SLC68A1: variants seen among roughly 807,000 people sequenced by gnomAD.
The protein encoded by SLC68A1 is solute carrier family 68 member 1, also known as major facilitator superfamily domain containing 13A.
At chr10:102,475,409 G>A in the SLC68A1 span, among the ~76,000 whole-genome samples, 1 of 152,202 alleles carries the variant, frequency 6.6e-6, no homozygotes, top group African/African-American at 2.4e-5. Flanking sequence ...TGGAGACTTG[G>A]GCCAGGGTGG....
the SLC68A1 span, chr10:102,471,328 G>A: frequency 1.2e-6 from 2 of 1,613,888 alleles, no homozygotes; most frequent in Admixed American, 3.3e-5. Flanking sequence ...CATCACCTTG[G>A]GCCGGTATCT....
the SLC68A1 span, chr10:102,477,038 TTCC>T: frequency 5.1e-6 from 5 of 985,532 alleles, no homozygotes; most frequent in Non-Finnish European, 6.0e-6. Context: ...GCCATTCTTT[TTCC>T]TCAAGTCTGT....
the SLC68A1 span, chr10:102,471,339 C>G: frequency 2.5e-6 from 4 of 1,613,896 alleles, no homozygotes; most frequent in African/African-American, 1.3e-5. Flanking sequence ...GCCGGTATCT[C>G]CGGCAGCTGG....
chr10:102,468,706 G>A, the SLC68A1 span: 5 of 224,052 alleles, frequency 2.2e-5, no homozygotes, highest in East Asian at 1.1e-4. Context: ...GCCCTGGCAC[G>A]CGACCTGGCT....
At chr10:102,470,857 G>A in the SLC68A1 span, 1 of 1,613,362 alleles carries the variant, frequency 6.2e-7, no homozygotes, top group Non-Finnish European at 8.5e-7. Context: ...ACCATGCCTT[G>A]CTGGCCGACC....
At chr10:102,466,901 C>T in the SLC68A1 span, among the ~76,000 whole-genome samples, 1 of 152,214 alleles carries the variant, frequency 6.6e-6, no homozygotes, top group African/African-American at 2.4e-5. Flanking sequence ...CCCTAAGCAC[C>T]TTTAGAGAGC....
chr10:102,466,482 CAAAAAAAAAAAA>C, the SLC68A1 span, among the ~76,000 whole-genome samples: 1 of 100,812 alleles, frequency 9.9e-6, no homozygotes, highest in Admixed American at 1.1e-4. Flanking sequence ...GACTCCACCT[CAAAAAAAAAAAA>C]AAAAAAAAAG....
At chr10:102,462,449 TA>T in the SLC68A1 span, among the ~76,000 whole-genome samples, 1 of 152,206 alleles carries the variant, frequency 6.6e-6, no homozygotes, top group Non-Finnish European at 1.5e-5. Flanking sequence ...ACCTCTGCAC[TA>T]ATGTCTCTTG....
At chr10:102,464,056 A>G in the SLC68A1 span, among the ~76,000 whole-genome samples, 2 of 152,194 alleles carry the variant, frequency 1.3e-5, no homozygotes, top group African/African-American at 4.8e-5. Flanking sequence ...ATGTTGCCCC[A>G]GCTGGTCTCT....
chr10:102,470,634 C>CAT, the SLC68A1 span: 1 of 1,590,252 alleles, frequency 6.3e-7, no homozygotes, highest in Non-Finnish European at 8.6e-7. Context: ...TCTGACACGG[C>CAT]ATCTCCCAAC....
the SLC68A1 span, among the ~76,000 whole-genome samples, chr10:102,464,004 C>T: frequency 1.3e-5 from 2 of 152,170 alleles, no homozygotes; most frequent in East Asian, 1.9e-4. Context: ...CAATTTCAAT[C>T]ATGGATTTGG....
the SLC68A1 span, chr10:102,468,907 A>T: frequency 1.3e-6 from 1 of 755,760 alleles, no homozygotes; most frequent in Admixed American, 2.8e-5. Context: ...GGGGTTAAGA[A>T]CAGAGCTGGC....
chr10:102,473,691 G>C, the SLC68A1 span: 1 of 1,614,142 alleles, frequency 6.2e-7, no homozygotes, highest in Non-Finnish European at 8.5e-7. Flanking sequence ...GCCTGCTCAT[G>C]TTGTTGGCCG....
the SLC68A1 span, chr10:102,471,142 A>C: frequency 1.2e-6 from 2 of 1,606,326 alleles, no homozygotes; most frequent in Non-Finnish European, 1.7e-6. Context: ...CCGGCTCTTC[A>C]GGTCCTCACC....
At chr10:102,476,221 C>T in the SLC68A1 span, 315,067 of 576,118 alleles carry the variant, frequency 0.55, 87,492 homozygotes, top group Middle Eastern at 0.63. Context: ...GAGCGTGCCA[C>T]CATGCCCGGC....
chr10:102,473,556 G>A, the SLC68A1 span: 3 of 1,579,948 alleles, frequency 1.9e-6, no homozygotes, highest in Non-Finnish European at 2.6e-6. Context: ...GTGGCTCCCC[G>A]TCTTCCTCCC....
At chr10:102,465,335 G>A in the SLC68A1 span, among the ~76,000 whole-genome samples, 2 of 152,094 alleles carry the variant, frequency 1.3e-5, no homozygotes, top group Non-Finnish European at 2.9e-5. Flanking sequence ...TGAGGAAGGA[G>A]AATTGCTTGA....
At chr10:102,462,789 C>T in the SLC68A1 span, among the ~76,000 whole-genome samples, 1 of 152,328 alleles carries the variant, frequency 6.6e-6, no homozygotes, top group Admixed American at 6.5e-5. Context: ...GAGCTCTCTT[C>T]CCAGATTGTT....
At chr10:102,476,591 G>C in the SLC68A1 span, 4 of 986,088 alleles carry the variant, frequency 4.1e-6, no homozygotes, top group Non-Finnish European at 4.8e-6. Context: ...CTGGGGCTGA[G>C]CCAGAAGCAT....
Sources: gnomAD v4.1 joint callset for allele counts (sites outside exome capture counted in the v4.1 genomes callset) on GRCh38, gnomAD v4.1.1 for gene constraint, MANE v1.5 for transcripts, NCBI Gene and HGNC (gene_info 2026-07-23, HGNC 2026-07-21) for gene names.